Variants in GLT1D1 observed in about 807,000 individuals in gnomAD.
The protein encoded by GLT1D1 is glycosyltransferase 1 domain containing 1.
GLT1D1 carries 21 observed loss-of-function variants against 28.7 expected under a neutral mutation model. The ratio of observed to expected loss-of-function variants is 0.73; its 90% confidence interval spans 0.52 to 1.05. The LOEUF (loss-of-function observed/expected upper bound fraction) is 1.05, where lower values mean the gene tolerates loss of function less well. Ranked by LOEUF, GLT1D1 falls within the 50% of genes least tolerant of loss-of-function variation. The probability of loss-of-function intolerance (pLI) is 0.00; values close to 1 mark genes in which losing one functional copy is unlikely to be tolerated. For missense variants in GLT1D1, 343 were observed against 330.6 expected (o/e 1.04, Z -0.29); for synonymous variants, 147 against 124.8 (o/e 1.18, Z -1.19).
At position 128,853,620 on chromosome 12, in the gene GLT1D1, C is replaced by G; in HGVS notation, c.39C>G (p.Thr13=). 1 of 1,179,638 alleles carries G rather than the reference C, an allele frequency of 8.5e-7. No individual in the cohort carries two copies. The allele number at this position is 1,179,638 out of a possible 1,614,324, so 73.1% of individuals were successfully genotyped here. ...TCCTGGCGGTGCTGCGGCCACACAC[C>G]GGCAACGCGGTCACGGCCCAGCGCG... The change falls in exon 1 of 8, where the codon ACC becomes ACG. Residue 13 remains threonine, a synonymous_variant. Transcript: ENST00000281703.
In GLT1D1 at chr12:128,859,287, C is replaced by T. The variant is rs117584246; in HGVS notation, c.68+5638C>T. Among the ~76,000 whole-genome samples the T allele has an allele frequency of 3.8e-3, 581 of 152,256 alleles. 1 individual carries two copies. The highest frequency in any genetic ancestry group is 6.6e-3 in the Non-Finnish European group (446 of 68,022). On this transcript the variant is annotated intron_variant, in intron 1 of 7. Transcript: ENST00000281703. The stretch of plus-strand genomic sequence containing the variant: ...GGAGGGGGAGGCGTCTTAGGCAGAG[C>T]GTCAACCAATGGGATGGGAAGAGAC...
At chr12:128,923,363 T>C (rs900811108) in intron 4 of GLT1D1, among the ~76,000 whole-genome samples, 13 of 152,172 alleles carry the variant, frequency 8.5e-5, no homozygotes, top group African/African-American at 2.9e-4. Context: ...GCATGCGTCG[T>C]GTACTGAGCT....
At chr12:128,965,710 T>TAAAAAAAAA (rs757636287) in intron 7 of GLT1D1, among the ~76,000 whole-genome samples, 1 of 104,726 alleles carries the variant, frequency 9.5e-6, no homozygotes, top group Non-Finnish European at 1.8e-5. Flanking sequence ...TGTCTCTGCT[T>TAAAAAAAAA]AAAAAAAAAA....
chr12:128,887,528 T>C (rs1165740145), intron 2 of GLT1D1, among the ~76,000 whole-genome samples: 1 of 144,720 alleles, frequency 6.9e-6, no homozygotes, highest in African/African-American at 2.6e-5. Context: ...CACACAGAGC[T>C]CCAAAAAAAA....
chr12:128,907,452 C>T (rs941380901), intron 4 of GLT1D1, among the ~76,000 whole-genome samples: 1 of 151,984 alleles, frequency 6.6e-6, no homozygotes, highest in African/African-American at 2.4e-5. Context: ...ACTACAGGTG[C>T]CCGCCACCAC....
At chr12:128,976,547 C>A (rs950205700) in intron 7 of GLT1D1, among the ~76,000 whole-genome samples, 4 of 152,178 alleles carry the variant, frequency 2.6e-5, no homozygotes, top group Non-Finnish European at 5.9e-5. Flanking sequence ...GACAAGCTGT[C>A]GTATTTGAAG....
intron 2 of GLT1D1, among the ~76,000 whole-genome samples, chr12:128,882,202 A>G (rs928664167): frequency 6.6e-6 from 1 of 152,270 alleles, no homozygotes; most frequent in Non-Finnish European, 1.5e-5. Flanking sequence ...GCTAAGTAGA[A>G]TATGCAAATA....
At chr12:128,968,402 GGC>G (rs1305975117) in intron 7 of GLT1D1, among the ~76,000 whole-genome samples, 2 of 151,812 alleles carry the variant, frequency 1.3e-5, no homozygotes, top group African/African-American at 4.8e-5. Flanking sequence ...TGGGCACAGT[GGC>G]TCACGCCTGT....
chr12:128,917,855 C>T (rs1303547520), intron 4 of GLT1D1, among the ~76,000 whole-genome samples: 2 of 152,138 alleles, frequency 1.3e-5, no homozygotes, highest in Non-Finnish European at 1.5e-5. Context: ...GAAATAAGAA[C>T]GCTTTTACCC....
At chr12:128,924,828 G>A (rs959620958) in intron 4 of GLT1D1, among the ~76,000 whole-genome samples, 1 of 152,058 alleles carries the variant, frequency 6.6e-6, no homozygotes, top group Non-Finnish European at 1.5e-5. Context: ...GTCTTCCCCC[G>A]CCCAGGCTTG....
chr12:128,947,410 G>A lies in GLT1D1; in HGVS notation c.492G>A (p.Ala164=), dbSNP rs758772078. 42 of 1,614,004 alleles carry A rather than the reference G, an allele frequency of 2.6e-5. No individual in the cohort carries two copies. Among genetic ancestry groups the A allele is most frequent in the East Asian group, 8.9e-5 (4 of 44,880 alleles). Residue 164 remains alanine (A), a synonymous_variant, in exon 6 of 8, where the codon GCG becomes GCA. Transcript: ENST00000281703. ...ACGCGGTGGTGAAGAATTGCTTCGC[G>A]GTGGTGAATAGCTCTGTCTCTGAAG...
chr12:128,892,028 A>G lies in GLT1D1; in HGVS notation c.323+3284A>G, dbSNP rs560620763. ...GCGGGACAACTGGAAGCGAGGCAGG[A>G]AGACTCAAAGCAGGGAGGGGTTTTC... On this transcript the variant is annotated intron_variant, in intron 3 of 7. Coordinates refer to ENST00000281703, the MANE Select transcript of GLT1D1 (RefSeq NM_144669.3). Among the ~76,000 whole-genome samples the G allele has an allele frequency of 2.0e-5, 3 of 152,282 alleles. No individual in the cohort carries two copies. In the East Asian group the frequency reaches 5.8e-4, roughly 29 times the overall value.
chr12:128,955,518 ATTT>A (rs33990173), intron 6 of GLT1D1, among the ~76,000 whole-genome samples: 32,419 of 148,818 alleles, frequency 0.22, 3,675 homozygotes, highest in Admixed American at 0.3. Flanking sequence ...TCGGTGTTGT[ATTT>A]TTTTTTTTTT....
chr12:128,873,242 T>C (rs570792421), intron 1 of GLT1D1, among the ~76,000 whole-genome samples: 195 of 152,288 alleles, frequency 1.3e-3, no homozygotes, highest in Non-Finnish European at 2.0e-3. Context: ...TTTTAATGTA[T>C]CCTTCTAGAG....
chr12:128,888,162 A>G (rs1415941797), intron 2 of GLT1D1, among the ~76,000 whole-genome samples: 1 of 152,178 alleles, frequency 6.6e-6, no homozygotes, highest in Non-Finnish European at 1.5e-5. Flanking sequence ...CCCCTGCTGT[A>G]CTGAACAGTT....
intron 7 of GLT1D1, among the ~76,000 whole-genome samples, chr12:128,970,690 G>A (rs1221943184): frequency 6.6e-6 from 1 of 152,220 alleles, no homozygotes; most frequent in African/African-American, 2.4e-5. Context: ...TGCGCCCACG[G>A]CTGGCACCTC....
intron 4 of GLT1D1, among the ~76,000 whole-genome samples, chr12:128,934,484 G>A: frequency 6.6e-6 from 1 of 152,152 alleles, no homozygotes; most frequent in South Asian, 2.1e-4. Flanking sequence ...GTGAGCCACT[G>A]CGCCCGGCCA....
At chr12:128,973,180 T>TTTTTTTTTTTTTTTTTTTTTTG (rs1879382400) in intron 7 of GLT1D1, among the ~76,000 whole-genome samples, 1 of 26,702 alleles carries the variant, frequency 3.7e-5, no homozygotes, top group Non-Finnish European at 7.5e-5. Flanking sequence ...GTTTGCTTGG[T>TTTTTTTTTTTTTTTTTTTTTTG]TTTTTTTTTT....
intron 7 of GLT1D1, among the ~76,000 whole-genome samples, chr12:128,970,322 C>A (rs1233126902): frequency 6.6e-6 from 1 of 152,206 alleles, no homozygotes; most frequent in Non-Finnish European, 1.5e-5. Flanking sequence ...CGCGCCCTCT[C>A]CCCTGAGCCC....
Sources: allele counts gnomAD v4.1 joint callset (sites outside exome capture counted in the v4.1 genomes callset), GRCh38; gene constraint gnomAD v4.1.1; transcripts MANE v1.5; gene names NCBI Gene and HGNC (gene_info 2026-07-23, HGNC 2026-07-21).